MTUS2: variants seen among roughly 807,000 people sequenced by gnomAD.
The protein encoded by MTUS2 is microtubule-associated tumor suppressor candidate 2.
Under a neutral mutation model 114.1 loss-of-function variants are expected in MTUS2, and 40 were observed. The ratio of observed to expected loss-of-function variants is 0.35; its 90% CI spans 0.27 to 0.46. The LOEUF (loss-of-function observed/expected upper bound fraction) is 0.46. Among genes scored for constraint, MTUS2 ranks in the 20% least tolerant of loss-of-function variants. The pLI is 1.00. For synonymous variants in MTUS2, 688 were observed against 672.0 expected, an observed-to-expected ratio of 1.02 and a Z score of -0.37; for missense variants, 1,679 against 1,705.4, an observed-to-expected ratio of 0.98 and a Z score of 0.27.
At chr13:29,328,000 A>T (rs1900598430) in intron 7 of MTUS2, among the ~76,000 whole-genome samples, 1 of 152,136 alleles carries the variant, frequency 6.6e-6, no homozygotes, top group South Asian at 2.1e-4. Flanking sequence ...TATAATGTTG[A>T]CTATCTTTCT....
chr13:29,465,900 C>T (rs1434988162), intron 9 of MTUS2, among the ~76,000 whole-genome samples: 1 of 152,224 alleles, frequency 6.6e-6, no homozygotes, highest in Non-Finnish European at 1.5e-5. Flanking sequence ...GGCAGGAAGC[C>T]AGGGCTGCAT....
At chr13:28,924,878 C>G (rs966520637) in intron 2 of MTUS2, among the ~76,000 whole-genome samples, 1 of 152,038 alleles carries the variant, frequency 6.6e-6, no homozygotes, top group Non-Finnish European at 1.5e-5. Context: ...GATGAGATCT[C>G]TACTAGATGG....
intron 4 of MTUS2, among the ~76,000 whole-genome samples, chr13:29,058,944 C>G (rs949814331): frequency 1.5e-4 from 23 of 152,106 alleles, no homozygotes; most frequent in South Asian, 4.1e-4. Flanking sequence ...ATGGCCATTT[C>G]ATCTTTTATT....
chr13:29,471,251 G>C (rs1450840646), intron 9 of MTUS2, among the ~76,000 whole-genome samples: 1 of 152,204 alleles, frequency 6.6e-6, no homozygotes, highest in Non-Finnish European at 1.5e-5. Flanking sequence ...GCTGAGGCAG[G>C]AGAATCGCTT....
At chr13:28,998,497 G>A (rs1269509836) in intron 2 of MTUS2, among the ~76,000 whole-genome samples, 7 of 152,188 alleles carry the variant, frequency 4.6e-5, no homozygotes, top group Non-Finnish European at 1.0e-4. Context: ...TTCCAACTTG[G>A]TTCCATTCTG....
At chr13:29,341,705 A>G (rs1024221140) in intron 7 of MTUS2, among the ~76,000 whole-genome samples, 12 of 152,104 alleles carry the variant, frequency 7.9e-5, no homozygotes, top group African/African-American at 2.2e-4. Flanking sequence ...TCGTGGTCAT[A>G]AAATCCTTGC....
intron 5 of MTUS2, among the ~76,000 whole-genome samples, chr13:29,230,974 A>C (rs1439679899): frequency 6.6e-6 from 1 of 152,202 alleles, no homozygotes; most frequent in Non-Finnish European, 1.5e-5. Flanking sequence ...AGTACTTTAG[A>C]AAATATCTTT....
chr13:29,067,933 G>A (rs559641788), intron 4 of MTUS2, among the ~76,000 whole-genome samples: 24 of 134,720 alleles, frequency 1.8e-4, no homozygotes, highest in Admixed American at 5.3e-4. Context: ...AGATTCCTGT[G>A]AGAAGAATAA....
intron 2 of MTUS2, among the ~76,000 whole-genome samples, chr13:28,918,390 T>A (rs909614187): frequency 6.6e-6 from 1 of 152,070 alleles, no homozygotes; most frequent in African/African-American, 2.4e-5. Context: ...TATATACTCT[T>A]GCTGAATTGA....
In MTUS2 at chr13:29,503,917, C is replaced by G. The variant is rs558355864; in HGVS notation, c.*711C>G. On this transcript the variant is annotated 3_prime_UTR_variant, in exon 16 of 16. Transcript: ENST00000612955. ...TTCGCAAGTTTTAATTATTGATACT[C>G]CTGTCATGAGCGGATAAGGGAGAGC... is the stretch of plus-strand genomic sequence containing the variant. 3 of 231,638 alleles carry G rather than the reference C, an allele frequency of 1.3e-5. No homozygotes were observed. Among genetic ancestry groups the G allele is most frequent in the Non-Finnish European group, 2.6e-5 (3 of 116,992 alleles). The allele number at this position is 231,638 out of a possible 1,614,324, so 14.3% of individuals were successfully genotyped here.
intron 5 of MTUS2, among the ~76,000 whole-genome samples, chr13:29,111,726 G>A (rs946705400): frequency 2.0e-5 from 3 of 151,968 alleles, no homozygotes; most frequent in African/African-American, 7.3e-5. Context: ...AAACCCTTGT[G>A]GTATTTTTCC....
intron 5 of MTUS2, among the ~76,000 whole-genome samples, chr13:29,162,047 G>T (rs781464833): frequency 6.6e-5 from 10 of 152,000 alleles, no homozygotes; most frequent in East Asian, 1.9e-4. Flanking sequence ...TTAGATATCC[G>T]CCAGACACTT....
chr13:29,501,205 T>C lies in MTUS2; in HGVS notation c.3896+11T>C, dbSNP rs141699100. ...CACAGTTGTCACCAGGTAGGTGGGCTGGGTGTCACCTACAAAGTGACTTTC... is the reference window on the plus strand; with the variant it reads ...CACAGTTGTCACCAGGTAGGTGGGCCGGGTGTCACCTACAAAGTGACTTTC... On this transcript the variant is annotated intron_variant, in intron 15 of 15. Coordinates refer to ENST00000612955, the MANE Select transcript of MTUS2 (RefSeq NM_001033602.4). 0.015 allele frequency: 23,620 copies of C among 1,605,298 alleles called. 248 individuals carry two copies. Among genetic ancestry groups the C allele is most frequent in the Middle Eastern group, 0.036 (219 of 6,038 alleles).
chr13:29,409,216 T>C (rs1273566463), intron 8 of MTUS2, among the ~76,000 whole-genome samples: 1 of 152,112 alleles, frequency 6.6e-6, no homozygotes, highest in East Asian at 1.9e-4. Context: ...CTCGGGAGGC[T>C]GAGGCAGGAG....
At chr13:28,849,741 C>T (rs980574425) in intron 2 of MTUS2, among the ~76,000 whole-genome samples, 15 of 152,166 alleles carry the variant, frequency 9.9e-5, no homozygotes, top group African/African-American at 3.4e-4. Context: ...TCCTGCTTCT[C>T]CTCTAAACAT....
intron 5 of MTUS2, among the ~76,000 whole-genome samples, chr13:29,114,725 C>T (rs944322292): frequency 6.6e-6 from 1 of 152,156 alleles, no homozygotes; most frequent in Non-Finnish European, 1.5e-5. Flanking sequence ...TGAAGACCTC[C>T]TGTCCAGCTG....
At chr13:29,491,863 ATG>A (rs1421133306) in intron 11 of MTUS2, among the ~76,000 whole-genome samples, 1 of 108,376 alleles carries the variant, frequency 9.2e-6, no homozygotes, top group African/African-American at 3.7e-5. Flanking sequence ...TGTGCCATGT[ATG>A]TGATGTGTGT....
intron 2 of MTUS2, among the ~76,000 whole-genome samples, chr13:28,870,415 G>T (rs896840705): frequency 6.6e-6 from 1 of 152,032 alleles, no homozygotes; most frequent in Non-Finnish European, 1.5e-5. Flanking sequence ...AGTATGGGAG[G>T]GGGAAGGAGA....
At chr13:29,079,911 G>T (rs1015822859) in intron 4 of MTUS2, among the ~76,000 whole-genome samples, 12 of 152,246 alleles carry the variant, frequency 7.9e-5, no homozygotes, top group African/African-American at 2.9e-4. Flanking sequence ...TTTAGGATTA[G>T]CTTGTTAATT....
Sources: allele counts gnomAD v4.1 joint callset (sites outside exome capture counted in the v4.1 genomes callset), GRCh38; gene constraint gnomAD v4.1.1; transcripts MANE v1.5; gene names NCBI Gene and HGNC (gene_info 2026-07-23, HGNC 2026-07-21).